Variants in TMPRSS9 observed in about 807,000 individuals in gnomAD.
TMPRSS9 encodes the protein transmembrane serine protease 9.
A neutral mutation model predicts 111.4 loss-of-function variants in TMPRSS9; 113 were observed. The ratio of observed to expected loss-of-function variants is 1.01; its 90% confidence interval spans 0.87 to 1.19. The LOEUF (loss-of-function observed/expected upper bound fraction) is 1.19. Ranked by LOEUF, TMPRSS9 falls within the 50% of genes most tolerant of loss-of-function variation. TMPRSS9 has a pLI of 0.00. For missense variants in TMPRSS9, 1,803 were observed against 1,513.1 expected, an observed-to-expected ratio of 1.19 and a Z score of -3.18; for synonymous variants, 805 against 659.1, an observed-to-expected ratio of 1.22 and a Z score of -3.39.
exon 15 of TMPRSS9, chr19:2,424,152 A>T (rs1332875945): frequency 2.1e-6 from 3 of 1,453,132 alleles, no homozygotes; most frequent in Non-Finnish European, 9.1e-7. Flanking sequence ...GGCCGTGGGG[A>T]GTGGCCGTGG....
chr19:2,421,972 T>A, exon 14 of TMPRSS9: 3 of 1,613,200 alleles, frequency 1.9e-6, no homozygotes, highest in Non-Finnish European at 2.5e-6. Flanking sequence ...TACACGCGCA[T>A]CACCAGGCTA....
chr19:2,398,696 AC>A (rs1970759965), intron 2 of TMPRSS9, 98 bp from the exon 4 acceptor site: 4 of 721,076 alleles, frequency 5.5e-6, no homozygotes, highest in South Asian at 4.8e-5. Flanking sequence ...CATGGAACCA[AC>A]CCCTTCTCCA....
At chr19:2,381,714 GAACACGTTC>G (rs1209597109) in intron 1 of TMPRSS9, among the ~76,000 whole-genome samples, 4 of 152,086 alleles carry the variant, frequency 2.6e-5, no homozygotes, top group Non-Finnish European at 4.4e-5. Flanking sequence ...GTTCCCAGAG[GAACACGTTC>G]CCCTGAGGAG....
At chr19:2,362,734 G>A (rs762178793) in intron 1 of TMPRSS9, among the ~76,000 whole-genome samples, 6 of 147,952 alleles carry the variant, frequency 4.1e-5, no homozygotes, top group African/African-American at 8.0e-5. Flanking sequence ...GAGTTGTAAC[G>A]TGGTTGTGTG....
At chr19:2,377,037 G>T (rs572912110) in intron 1 of TMPRSS9, among the ~76,000 whole-genome samples, 1 of 151,550 alleles carries the variant, frequency 6.6e-6, no homozygotes, top group Non-Finnish European at 1.5e-5. Context: ...GCTCCCTCAC[G>T]CTGGCTTCTC....
At chr19:2,414,439 C>T (rs1971173585) in intron 10 of TMPRSS9, among the ~76,000 whole-genome samples, 1 of 151,996 alleles carries the variant, frequency 6.6e-6, no homozygotes, top group South Asian at 2.1e-4. Context: ...GGGGTTTCCC[C>T]ATGTTGGTCA....
At chr19:2,417,032 T>A (rs886218022) in intron 12 of TMPRSS9, among the ~76,000 whole-genome samples, 1 of 152,150 alleles carries the variant, frequency 6.6e-6, no homozygotes, top group East Asian at 1.9e-4. Context: ...TAAACAAAGT[T>A]TTATTGGAAC....
At chr19:2,381,444 T>G (rs1188561292) in intron 1 of TMPRSS9, among the ~76,000 whole-genome samples, 1 of 151,168 alleles carries the variant, frequency 6.6e-6, no homozygotes, top group Non-Finnish European at 1.5e-5. Context: ...AATCTCGGTG[T>G]CTTTTGTTTC....
intron 8 of TMPRSS9, among the ~76,000 whole-genome samples, chr19:2,409,818 G>A (rs955281100): frequency 6.6e-6 from 1 of 152,100 alleles, no homozygotes; most frequent in South Asian, 2.1e-4. Flanking sequence ...GGATTTCAGT[G>A]GGGTGGGACC....
intron 9 of TMPRSS9, among the ~76,000 whole-genome samples, chr19:2,411,884 A>G (rs546331799): frequency 6.6e-6 from 1 of 152,122 alleles, no homozygotes; most frequent in Non-Finnish European, 1.5e-5. Flanking sequence ...AAGGTGTCTC[A>G]TTCTTTCTTC....
upstream of TMPRSS9, among the ~76,000 whole-genome samples, chr19:2,387,508 A>G (rs569198423): frequency 6.7e-6 from 1 of 150,288 alleles, no homozygotes; most frequent in East Asian, 1.9e-4. Flanking sequence ...TAGAAAAGAA[A>G]GGAAAGGAAA....
At chr19:2,405,692 A>C in intron 7 of TMPRSS9, 147 bp downstream of exon 8, 2 of 795,042 alleles carry the variant, frequency 2.5e-6, no homozygotes, top group Non-Finnish European at 3.6e-6. Context: ...GCTGTTGTTG[A>C]ATCTGAGGGC....
In TMPRSS9 at chr19:2,396,675, G is replaced by T; in HGVS notation, c.270+9G>T. 1.2e-6 allele frequency: 2 copies of T among 1,602,298 alleles called. No homozygotes were observed. The stretch of plus-strand genomic sequence containing the variant: ...CCACCCTGGAGGCACTGGTGAGGGT[G>T]GTCTGTGTTTGGGGGCCAGGGAGGA... On this transcript the variant is annotated intron_variant, in intron 2 of 17. Transcript: ENST00000648592.
rs1172558129 is a variant in TMPRSS9, at chr19:2,421,839, T to C, written c.2155-15T>C. ...TCCCTGGAGGACCAACCAGTGCTCTTTCCTTCCTTTCTAGGGTGACTCTGG... is the reference window on the plus strand; with the variant it reads ...TCCCTGGAGGACCAACCAGTGCTCTCTCCTTCCTTTCTAGGGTGACTCTGG... On this transcript the variant is annotated splice_polypyrimidine_tract_variant and intron_variant, in intron 13 of 17. Coordinates refer to ENST00000648592, the Ensembl canonical transcript of TMPRSS9. The C allele has an allele frequency of 6.3e-6, 10 of 1,578,006 alleles. 1 individual carries two copies. In the African/African-American group the frequency reaches 9.5e-5, roughly 15 times the overall value.
chr19:2,371,105 C>T (rs1264479037), intron 1 of TMPRSS9, among the ~76,000 whole-genome samples: 1 of 152,192 alleles, frequency 6.6e-6, no homozygotes, highest in Admixed American at 6.6e-5. Flanking sequence ...GGCTCTGAGC[C>T]CACAGCTCAC....
intron 1 of TMPRSS9, among the ~76,000 whole-genome samples, chr19:2,373,562 G>A (rs79453109): frequency 1.5e-5 from 2 of 134,610 alleles, no homozygotes; most frequent in South Asian, 2.7e-4. Context: ...ACGGGGTTTC[G>A]CCGTGTTGGC....
intron 1 of TMPRSS9, among the ~76,000 whole-genome samples, chr19:2,379,761 TTC>T (rs1970372020): frequency 7.3e-6 from 1 of 136,578 alleles, no homozygotes; most frequent in Admixed American, 7.0e-5. Flanking sequence ...ATTCTCTCTT[TTC>T]TCTCTTTCTT....
intron 1 of TMPRSS9, among the ~76,000 whole-genome samples, 74 bp downstream of exon 1, chr19:2,360,434 C>T (rs977068372): frequency 6.6e-6 from 1 of 152,224 alleles, no homozygotes; most frequent in Non-Finnish European, 1.5e-5. Flanking sequence ...ATTCGCCAAG[C>T]CCCGGGGCTG....
At chr19:2,362,640 A>G (rs1000949833) in intron 1 of TMPRSS9, among the ~76,000 whole-genome samples, 7 of 152,190 alleles carry the variant, frequency 4.6e-5, no homozygotes, top group African/African-American at 1.4e-4. Flanking sequence ...ATGACTGTGT[A>G]TGGTGGAGTT....
Sources: allele counts gnomAD v4.1 joint callset (sites outside exome capture counted in the v4.1 genomes callset), GRCh38; gene constraint gnomAD v4.1.1; transcripts MANE v1.5; gene names NCBI Gene and HGNC (gene_info 2026-07-23, HGNC 2026-07-21).